PDE4D: variants seen among roughly 807,000 people sequenced by gnomAD.
PDE4D encodes 3',5'-cyclic-AMP phosphodiesterase 4D.
Under a neutral mutation model 87.4 loss-of-function variants are expected in PDE4D, and 24 were observed. That is an observed-to-expected ratio of 0.27 (90% CI 0.20 to 0.39). PDE4D has a LOEUF of 0.39. Among genes scored for constraint, PDE4D ranks in the 10% least tolerant of loss-of-function variants. The pLI is 1.00. For missense variants in PDE4D, 714 were observed against 1,041.0 expected (o/e 0.69, Z 4.32); for synonymous variants, 384 against 383.2 (o/e 1.00, Z -0.02).
At chr5:59,529,816 A>T (rs1813858466) in intron 1 of PDE4D, among the ~76,000 whole-genome samples, 1 of 152,214 alleles carries the variant, frequency 6.6e-6, no homozygotes, top group African/African-American at 2.4e-5. Context: ...AGCTCCCTTG[A>T]TGAAAATAGC....
At chr5:59,988,327 T>C (rs976020567) in intron 3 of PDE4D, 104 of 528,524 alleles carry the variant, frequency 2.0e-4, no homozygotes, top group Middle Eastern at 1.5e-3. Flanking sequence ...CCTGCAGATA[T>C]AGAAATGTCA....
chr5:59,575,168 G>A (rs770838065), intron 1 of PDE4D, among the ~76,000 whole-genome samples: 58 of 152,236 alleles, frequency 3.8e-4, no homozygotes, highest in Admixed American at 1.2e-3. Flanking sequence ...AGAGATATTA[G>A]GGAGATGATT....
chr5:60,049,731 C>A (rs1317622238), intron 2 of PDE4D, among the ~76,000 whole-genome samples: 1 of 152,224 alleles, frequency 6.6e-6, no homozygotes. Flanking sequence ...GTTCTCAGAT[C>A]TCCAGCTGCA....
chr5:59,319,070 T>C (rs1178960141), intron 1 of PDE4D, among the ~76,000 whole-genome samples: 1 of 152,028 alleles, frequency 6.6e-6, no homozygotes, highest in African/African-American at 2.4e-5. Context: ...ATGCTCATAA[T>C]CTAAGGAGAT....
intron 1 of PDE4D, among the ~76,000 whole-genome samples, chr5:59,817,761 CAGAA>C (rs1769164122): frequency 6.7e-6 from 1 of 149,688 alleles, no homozygotes; most frequent in African/African-American, 2.4e-5. Flanking sequence ...CACACACACA[CAGAA>C]AGGCCATGTG....
chr5:59,561,757 C>T (rs144704105), intron 1 of PDE4D, among the ~76,000 whole-genome samples: 1 of 151,700 alleles, frequency 6.6e-6, no homozygotes, highest in African/African-American at 2.4e-5. Context: ...TGGCAAAAAC[C>T]CGTCTCTACT....
At chr5:60,087,842 G>A (rs1044663521) in intron 2 of PDE4D, among the ~76,000 whole-genome samples, 1 of 152,116 alleles carries the variant, frequency 6.6e-6, no homozygotes, top group African/African-American at 2.4e-5. Flanking sequence ...ATTTCAAAAA[G>A]TAACGGCTGA....
rs1181585432 is a variant in PDE4D, at chr5:60,274,477, C to G, written c.-89-88790G>C. Among the ~76,000 whole-genome samples, 3 of 152,186 alleles carry G rather than the reference C, an allele frequency of 2.0e-5. No homozygotes were observed. The East Asian group carries it at 5.8e-4, about 29-fold the overall frequency. ...CCGGGTTCAAGCGATTCTCCTGCCT[C>G]AGCCTCCCAAGTAGCTGAGATTACC... On this transcript the variant is annotated intron_variant, in intron 1 of 16. Transcript: ENST00000502484.
At chr5:60,187,672 G>A (rs537115104) in intron 1 of PDE4D, among the ~76,000 whole-genome samples, 2 of 152,190 alleles carry the variant, frequency 1.3e-5, no homozygotes, top group East Asian at 1.9e-4. Context: ...CTTTCCTATG[G>A]GAATTTAGAA....
intron 2 of PDE4D, among the ~76,000 whole-genome samples, chr5:60,087,326 C>T (rs970574181): frequency 2.6e-5 from 4 of 152,180 alleles, no homozygotes; most frequent in Non-Finnish European, 2.9e-5. Context: ...AACACACAAG[C>T]ATCAACATAA....
chr5:59,931,624 A>G (rs1221842955), intron 3 of PDE4D, among the ~76,000 whole-genome samples: 1 of 151,850 alleles, frequency 6.6e-6, no homozygotes, highest in Non-Finnish European at 1.5e-5. Context: ...TATTCTTGAG[A>G]GCAGAACCCT....
In PDE4D at chr5:59,348,067, G is replaced by A. The variant is rs553276842; in HGVS notation, c.456-132099C>T. ...AGAATGTAAACTTGATGAAAGCAGAGACCGCATCCATTTTGTCCCTCACTA... is the reference window on the plus strand; with the variant it reads ...AGAATGTAAACTTGATGAAAGCAGAAACCGCATCCATTTTGTCCCTCACTA... On this transcript the variant is annotated intron_variant, in intron 1 of 14. Coordinates refer to ENST00000340635, the MANE Select transcript of PDE4D (RefSeq NM_001104631.2). 7.9e-5 allele frequency among the ~76,000 whole-genome samples: 12 copies of A among 152,164 alleles called. 1 individual carries two copies. In the South Asian group the frequency reaches 2.5e-3, roughly 32 times the overall value.
intron 1 of PDE4D, among the ~76,000 whole-genome samples, chr5:60,469,898 C>A (rs892847687): frequency 1.3e-5 from 2 of 152,128 alleles, no homozygotes; most frequent in African/African-American, 4.8e-5. Flanking sequence ...CAATTAATAA[C>A]CCTACAATTT....
intron 6 of PDE4D, among the ~76,000 whole-genome samples, chr5:59,014,535 C>T (rs1489872168): frequency 1.3e-5 from 2 of 152,158 alleles, no homozygotes; most frequent in African/African-American, 4.8e-5. Context: ...AGTGAACACC[C>T]ATTCACAATT....
intron 2 of PDE4D, among the ~76,000 whole-genome samples, chr5:60,016,114 C>A (rs1211790494): frequency 6.6e-6 from 1 of 151,852 alleles, no homozygotes; most frequent in Non-Finnish European, 1.5e-5. Context: ...AAAGATATAG[C>A]AGGTACAGTT....
chr5:59,527,097 T>A (rs1813294716), intron 1 of PDE4D, among the ~76,000 whole-genome samples: 1 of 152,234 alleles, frequency 6.6e-6, no homozygotes, highest in Admixed American at 6.5e-5. Context: ...AAAACGTGAA[T>A]ATGTAAAAGT....
chr5:58,972,642 A>G lies in PDE4D; in HGVS notation c.*2022T>C, dbSNP rs145671390. On this transcript the variant is annotated 3_prime_UTR_variant, in exon 15 of 15. Transcript: ENST00000340635. ...CCCACTTTGGCTTCTATCTATCTCAATTCTTGAATATCAATGTGAAAAATG... is the reference window on the plus strand; with the variant it reads ...CCCACTTTGGCTTCTATCTATCTCAGTTCTTGAATATCAATGTGAAAAATG... 2.0e-5 allele frequency: 3 copies of G among 152,236 alleles called. No homozygotes were observed. The highest frequency in any genetic ancestry group is 3.9e-4 in the East Asian group (2 of 5,182). 9.4% of individuals were successfully genotyped at this position (152,236 alleles called of 1,614,324 possible). A position where few individuals can be genotyped will look rare whatever the true frequency, so the allele number is the denominator to read the frequency against.
intron 1 of PDE4D, among the ~76,000 whole-genome samples, chr5:59,273,486 CA>C (rs1473881441): frequency 6.6e-6 from 1 of 151,830 alleles, no homozygotes; most frequent in African/African-American, 2.4e-5. Context: ...AATAAAATGG[CA>C]AAACTGTTAC....
chr5:59,003,471 G>A (rs1750946704), intron 6 of PDE4D, among the ~76,000 whole-genome samples: 1 of 152,156 alleles, frequency 6.6e-6, no homozygotes, highest in African/African-American at 2.4e-5. Context: ...ATCATTCAAA[G>A]TACATCTTAG....
Sources: allele counts gnomAD v4.1 joint callset (sites outside exome capture counted in the v4.1 genomes callset), GRCh38; gene constraint gnomAD v4.1.1; transcripts MANE v1.5; gene names NCBI Gene and HGNC (gene_info 2026-07-23, HGNC 2026-07-21).